BAZ2B: variants seen among roughly 807,000 people sequenced by gnomAD.
BAZ2B encodes the protein bromodomain adjacent to zinc finger domain 2B, also known as bromodomain adjacent to zinc finger domain protein 2B.
In BAZ2B, 91 loss-of-function variants were observed where a neutral mutation model predicts 246.0. The observed-to-expected ratio is 0.37, with a 90% CI of 0.31 to 0.44. The LOEUF (loss-of-function observed/expected upper bound fraction) is 0.44, where lower values mean the gene tolerates loss of function less well. Among genes scored for constraint, BAZ2B ranks in the 20% least tolerant of loss-of-function variants. BAZ2B has a pLI of 1.00. For synonymous variants in BAZ2B, 855 were observed against 860.0 expected (o/e 0.99, Z 0.10); for missense variants, 2,332 against 2,533.7 (o/e 0.92, Z 1.71).
At chr2:159,369,216 G>A (rs988892374) in intron 27 of BAZ2B, among the ~76,000 whole-genome samples, 1 of 152,114 alleles carries the variant, frequency 6.6e-6, no homozygotes, top group African/African-American at 2.4e-5. Context: ...AAATTTCGAT[G>A]GTAGAAGAAA....
At chr2:159,630,538 CTT>C in the BAZ2B span, among the ~76,000 whole-genome samples, 4 of 145,206 alleles carry the variant, frequency 2.8e-5, no homozygotes, top group Admixed American at 6.8e-5. Flanking sequence ...ATTCTTCTCT[CTT>C]TTTTTTTTTT....
chr2:159,481,946 C>A (rs376740324), intron 2 of BAZ2B, among the ~76,000 whole-genome samples: 62 of 152,008 alleles, frequency 4.1e-4, no homozygotes, highest in African/African-American at 1.4e-3. Flanking sequence ...TAGTGAAAAT[C>A]ACATAAGGTC....
At chr2:159,698,515 C>A in the BAZ2B span, among the ~76,000 whole-genome samples, 54 of 130,452 alleles carry the variant, frequency 4.1e-4, no homozygotes, top group Admixed American at 6.3e-4. Context: ...CACCATCCCA[C>A]AAAAAAAAAA....
chr2:159,625,806 G>A, the BAZ2B span, among the ~76,000 whole-genome samples: 1 of 152,116 alleles, frequency 6.6e-6, no homozygotes, highest in Non-Finnish European at 1.5e-5. Context: ...CATAATGACA[G>A]GATCAAATTC....
At chr2:159,571,183 G>A (rs1683924428) in intron 1 of BAZ2B, among the ~76,000 whole-genome samples, 1 of 152,034 alleles carries the variant, frequency 6.6e-6, no homozygotes, top group Admixed American at 6.6e-5. Context: ...TTTGTTTTCT[G>A]TCTTCAAATT....
chr2:159,457,090 T>C (rs777729124), intron 3 of BAZ2B, among the ~76,000 whole-genome samples: 3 of 152,186 alleles, frequency 2.0e-5, no homozygotes, highest in South Asian at 2.1e-4. Context: ...AGTAATTCCA[T>C]GTAAAAATCT....
rs549149317 is a variant in BAZ2B, at chr2:159,497,585, G to T, written c.-2-18864C>A. On this transcript the variant is annotated intron_variant, in intron 2 of 36. Coordinates refer to ENST00000392783, the MANE Select transcript of BAZ2B (RefSeq NM_013450.4). The stretch of plus-strand genomic sequence containing the variant: ...TCTAAAAGATTCTATACTCTAATCA[G>T]ATTCTTTCTGATATAAACATTTTCA... Among the ~76,000 whole-genome samples the T allele has an allele frequency of 4.7e-3, 722 of 152,280 alleles. 4 individuals are homozygous for T. Among genetic ancestry groups the T allele is most frequent in the African/African-American group, 0.017 (687 of 41,560 alleles).
intron 1 of BAZ2B, among the ~76,000 whole-genome samples, chr2:159,571,812 A>G (rs1684080134): frequency 6.6e-6 from 1 of 152,146 alleles, no homozygotes; most frequent in Admixed American, 6.6e-5. Flanking sequence ...GCCCGAGATA[A>G]AGAGAGGATA....
At chr2:159,451,565 A>C (rs1269437389) in intron 4 of BAZ2B, among the ~76,000 whole-genome samples, 1 of 152,204 alleles carries the variant, frequency 6.6e-6, no homozygotes, top group African/African-American at 2.4e-5. Flanking sequence ...TCATCTAGGC[A>C]TACTTTTATC....
chr2:159,504,976 C>A (rs1242077701), intron 2 of BAZ2B, among the ~76,000 whole-genome samples: 1 of 152,062 alleles, frequency 6.6e-6, no homozygotes, highest in African/African-American at 2.4e-5. Context: ...GATGATAGAA[C>A]TTAATTTATA....
chr2:159,518,866 C>G (rs1476593628), intron 2 of BAZ2B, among the ~76,000 whole-genome samples: 3 of 152,198 alleles, frequency 2.0e-5, no homozygotes, highest in Admixed American at 1.3e-4. Context: ...TTACAAAATT[C>G]TCATTCTCTG....
chr2:159,353,794 G>C (rs987186585), intron 27 of BAZ2B, among the ~76,000 whole-genome samples: 16 of 152,192 alleles, frequency 1.1e-4, no homozygotes, highest in African/African-American at 3.9e-4. Flanking sequence ...AGGAGCAGGG[G>C]ATAATCAGCC....
intron 27 of BAZ2B, among the ~76,000 whole-genome samples, chr2:159,352,299 C>G (rs546000547): frequency 6.6e-6 from 1 of 152,090 alleles, no homozygotes; most frequent in Non-Finnish European, 1.5e-5. Context: ...TATTTCCTTA[C>G]GGAGATTTTC....
chr2:159,332,143 C>T (rs550374724), intron 34 of BAZ2B, among the ~76,000 whole-genome samples: 12 of 152,196 alleles, frequency 7.9e-5, no homozygotes, highest in Non-Finnish European at 1.3e-4. Context: ...TACCTAGAGT[C>T]TGCCTTCAAA....
At chr2:159,337,796 A>G (rs1268227645) in intron 31 of BAZ2B, 24 bp from the exon 32 acceptor site, 5 of 1,593,510 alleles carry the variant, frequency 3.1e-6, no homozygotes, top group Admixed American at 1.7e-5. Context: ...GAATAGTGTT[A>G]TTATGGTTTC....
chr2:159,377,581 G>T (rs1358913113), intron 25 of BAZ2B, among the ~76,000 whole-genome samples: 1 of 152,068 alleles, frequency 6.6e-6, no homozygotes, highest in Non-Finnish European at 1.5e-5. Context: ...TCAGGAGGCC[G>T]AGGCGGGTGG....
chr2:159,703,492 CG>C, the BAZ2B span, among the ~76,000 whole-genome samples: 1 of 18,994 alleles, frequency 5.3e-5, no homozygotes, highest in East Asian at 5.0e-4. Flanking sequence ...TTCTACCCCC[CG>C]CAAAAAAAAA....
the BAZ2B span, chr2:159,689,372 CTTTTTT>C: frequency 1.5e-4 from 25 of 165,558 alleles, no homozygotes; most frequent in South Asian, 4.5e-4. Context: ...TTTTACTTTC[CTTTTTT>C]TTTTTTTTTT....
chr2:159,496,438 G>C (rs186826311), intron 2 of BAZ2B, among the ~76,000 whole-genome samples: 1 of 137,126 alleles, frequency 7.3e-6, no homozygotes, highest in Admixed American at 7.5e-5. Context: ...TGGGAGGGCC[G>C]ATTGCACCAC....
Sources: allele counts gnomAD v4.1 joint callset (sites outside exome capture counted in the v4.1 genomes callset), GRCh38; gene constraint gnomAD v4.1.1; transcripts MANE v1.5; gene names NCBI Gene and HGNC (gene_info 2026-07-23, HGNC 2026-07-21).